The following TSHZ2 variants were observed in gnomAD, a reference collection of about 807,000 sequenced individuals.
The protein encoded by TSHZ2 is teashirt zinc finger homeobox 2.
In TSHZ2, 21 loss-of-function variants were observed where a neutral mutation model predicts 74.4. That is an observed-to-expected ratio of 0.28 (90% confidence interval 0.20 to 0.41). TSHZ2 has a LOEUF of 0.41. Ranked by LOEUF, TSHZ2 falls within the 10% of genes least tolerant of loss-of-function variation. The pLI, the probability that TSHZ2 is intolerant of heterozygous loss-of-function variation, is 1.00. For synonymous variants in TSHZ2, 540 were observed against 515.3 expected, an observed-to-expected ratio of 1.05 and a Z score of -0.65; for missense variants, 1,244 against 1,293.5, an observed-to-expected ratio of 0.96 and a Z score of 0.59.
At chr20:53,372,940 C>A (rs1004737444) in intron 2 of TSHZ2, among the ~76,000 whole-genome samples, 1 of 151,892 alleles carries the variant, frequency 6.6e-6, no homozygotes, top group Non-Finnish European at 1.5e-5. Context: ...TAAAGGACTT[C>A]AAGAAAACTG....
In TSHZ2 at chr20:53,457,248, T is replaced by C. The variant is rs889346987; in HGVS notation, c.*9-29896T>C. Among the ~76,000 whole-genome samples the C allele has an allele frequency of 2.1e-4, 31 of 145,682 alleles. 2 individuals carry two copies. The highest frequency in any genetic ancestry group is 4.1e-4 in the Admixed American group (6 of 14,540). On this transcript the variant is annotated intron_variant, in intron 2 of 2. Transcript: ENST00000371497. Reference sequence around the variant, plus strand: ...TTTTATTTCTTTGAGCAGCAGTTTGTAGTTCTCCTTGAAGAGGTCCTTCAC... The same window carrying C: ...TTTTATTTCTTTGAGCAGCAGTTTGCAGTTCTCCTTGAAGAGGTCCTTCAC...
chr20:53,223,022 G>A (rs978410073), intron 1 of TSHZ2, among the ~76,000 whole-genome samples: 3 of 152,034 alleles, frequency 2.0e-5, no homozygotes, highest in South Asian at 2.1e-4. Context: ...TTCTTCATTC[G>A]AACAAGCCAC....
chr20:53,221,971 C>T (rs189410571), intron 1 of TSHZ2, among the ~76,000 whole-genome samples: 53 of 152,136 alleles, frequency 3.5e-4, no homozygotes, highest in African/African-American at 1.2e-3. Context: ...TGAAGTTAGG[C>T]GAAATAAGAA....
At chr20:53,405,729 C>T (rs1220477167) in intron 2 of TSHZ2, among the ~76,000 whole-genome samples, 3 of 152,154 alleles carry the variant, frequency 2.0e-5, no homozygotes, top group Non-Finnish European at 2.9e-5. Flanking sequence ...GGTATGGTGG[C>T]TTATGCCAGT....
intron 1 of TSHZ2, among the ~76,000 whole-genome samples, chr20:53,024,510 T>C (rs1173394164): frequency 6.6e-6 from 1 of 152,054 alleles, no homozygotes; most frequent in Non-Finnish European, 1.5e-5. Flanking sequence ...TTTTTTATTA[T>C]TATACTTTAA....
intron 2 of TSHZ2, among the ~76,000 whole-genome samples, chr20:53,427,441 C>T (rs1012912118): frequency 7.9e-5 from 12 of 151,850 alleles, no homozygotes; most frequent in Non-Finnish European, 1.2e-4. Context: ...CCACCCCTGT[C>T]GACTTAAACA....
chr20:53,351,140 A>T (rs1980630527), intron 2 of TSHZ2, among the ~76,000 whole-genome samples: 2 of 152,366 alleles, frequency 1.3e-5, no homozygotes, highest in Non-Finnish European at 2.9e-5. Flanking sequence ...ATTGGACGAG[A>T]CTAACTTTCA....
chr20:53,463,446 G>A (rs1985459249), intron 2 of TSHZ2, among the ~76,000 whole-genome samples: 1 of 143,622 alleles, frequency 7.0e-6, no homozygotes, highest in African/African-American at 2.6e-5. Context: ...AGGGAGGGAG[G>A]GAAGGAAGGA....
intron 1 of TSHZ2, among the ~76,000 whole-genome samples, chr20:53,166,171 G>A (rs996367454): frequency 6.6e-6 from 1 of 152,118 alleles, no homozygotes; most frequent in Admixed American, 6.5e-5. Flanking sequence ...CCCATCCTTG[G>A]TTTTGTTATT....
At chr20:53,195,565 T>C (rs191597177) in intron 1 of TSHZ2, among the ~76,000 whole-genome samples, 2 of 152,338 alleles carry the variant, frequency 1.3e-5, no homozygotes, top group Admixed American at 6.5e-5. Context: ...CCTGCGGTCT[T>C]CATTTTTCCA....
chr20:53,109,612 T>C (rs943334270), intron 1 of TSHZ2, among the ~76,000 whole-genome samples: 1 of 152,258 alleles, frequency 6.6e-6, no homozygotes, highest in Admixed American at 6.5e-5. Flanking sequence ...AGAATTTTAA[T>C]TCTCCCTTTG....
chr20:53,126,869 A>G (rs1457779446), intron 1 of TSHZ2, among the ~76,000 whole-genome samples: 1 of 152,182 alleles, frequency 6.6e-6, no homozygotes, highest in Non-Finnish European at 1.5e-5. Context: ...TGAGCAATCC[A>G]TCAGGAAGGG....
At chr20:53,318,339 C>T (rs1466811156) in intron 2 of TSHZ2, among the ~76,000 whole-genome samples, 1 of 152,164 alleles carries the variant, frequency 6.6e-6, no homozygotes, top group Non-Finnish European at 1.5e-5. Flanking sequence ...CCCATAAATG[C>T]ACCCAAACCT....
In TSHZ2 at chr20:53,024,191, T is replaced by C. The variant is rs528135116; in HGVS notation, c.40+50858T>C. Reference sequence around the variant, plus strand: ...TTATTGAAATAAATATGTACATAAATTATTATCTTATCTTAAAACTGTTGG... The same window carrying C: ...TTATTGAAATAAATATGTACATAAACTATTATCTTATCTTAAAACTGTTGG... On this transcript the variant is annotated intron_variant, in intron 1 of 2. Coordinates refer to ENST00000371497, the MANE Select transcript of TSHZ2 (RefSeq NM_173485.6). Among the ~76,000 whole-genome samples the C allele has an allele frequency of 1.9e-3, 293 of 152,050 alleles. 1 individual carries two copies. Among genetic ancestry groups the C allele is most frequent in the African/African-American group, 6.8e-3 (282 of 41,470 alleles).
At chr20:53,119,001 A>G (rs1402961846) in intron 1 of TSHZ2, among the ~76,000 whole-genome samples, 2 of 152,116 alleles carry the variant, frequency 1.3e-5, no homozygotes, top group African/African-American at 4.8e-5. Flanking sequence ...TTAAATAACC[A>G]GATGTTGCAA....
intron 2 of TSHZ2, among the ~76,000 whole-genome samples, chr20:53,368,072 G>A (rs1981335141): frequency 6.6e-6 from 1 of 152,048 alleles, no homozygotes; most frequent in Admixed American, 6.5e-5. Flanking sequence ...CTCCCGCGCT[G>A]GGACAAAGAC....
chr20:53,314,310 G>T (rs962181841), intron 2 of TSHZ2, among the ~76,000 whole-genome samples: 1 of 150,686 alleles, frequency 6.6e-6, no homozygotes, highest in Admixed American at 6.6e-5. Flanking sequence ...AAGAAAGAAA[G>T]AAATATGATG....
intron 1 of TSHZ2, among the ~76,000 whole-genome samples, chr20:53,170,118 G>A (rs1170244927): frequency 6.6e-6 from 1 of 152,160 alleles, no homozygotes; most frequent in African/African-American, 2.4e-5. Flanking sequence ...CACATAGCTA[G>A]TAATTACAGA....
intron 2 of TSHZ2, among the ~76,000 whole-genome samples, chr20:53,379,409 G>T (rs1378828925): frequency 6.6e-6 from 1 of 151,880 alleles, no homozygotes; most frequent in South Asian, 2.1e-4. Flanking sequence ...ATAAATAAAG[G>T]CTCACAATAA....
Sources: gnomAD v4.1 joint callset for allele counts (sites outside exome capture counted in the v4.1 genomes callset) on GRCh38, gnomAD v4.1.1 for gene constraint, MANE v1.5 for transcripts, NCBI Gene and HGNC (gene_info 2026-07-23, HGNC 2026-07-21) for gene names.